The following RPS6KC1 variants were observed in gnomAD, a reference collection of about 807,000 sequenced individuals.
RPS6KC1 encodes the protein inactive ribosomal protein S6 kinase delta-1.
RPS6KC1 carries 54 observed loss-of-function variants against 103.8 expected under a neutral mutation model. The ratio of observed to expected loss-of-function variants is 0.52; its 90% CI spans 0.42 to 0.65. The LOEUF (loss-of-function observed/expected upper bound fraction) is 0.65, where lower values mean the gene tolerates loss of function less well. RPS6KC1 is among the 30% of genes least tolerant of loss of function. The pLI is 0.00. For missense variants in RPS6KC1, 1,151 were observed against 1,253.8 expected (o/e 0.92, Z 1.24); for synonymous variants, 439 against 438.7 (o/e 1.00, Z -0.01).
At chr1:213,484,423 A>G in the RPS6KC1 span, among the ~76,000 whole-genome samples, 1 of 152,176 alleles carries the variant, frequency 6.6e-6, no homozygotes. Context: ...AGGCTCGTTT[A>G]TGTGGTTGTT....
chr1:213,181,357 C>T (rs2092257757), intron 8 of RPS6KC1, among the ~76,000 whole-genome samples: 1 of 152,234 alleles, frequency 6.6e-6, no homozygotes, highest in South Asian at 2.1e-4. Flanking sequence ...TTTACTAGGT[C>T]AGATGCCTTC....
At chr1:213,179,181 G>A (rs1321090874) in intron 8 of RPS6KC1, among the ~76,000 whole-genome samples, 1 of 152,062 alleles carries the variant, frequency 6.6e-6, no homozygotes, top group Non-Finnish European at 1.5e-5. Flanking sequence ...TTGGGAGGCC[G>A]AGGCGGGCAG....
intron 12 of RPS6KC1, among the ~76,000 whole-genome samples, chr1:213,244,628 A>G (rs984667881): frequency 3.9e-5 from 6 of 152,188 alleles, no homozygotes; most frequent in Non-Finnish European, 8.8e-5. Context: ...GAGTTTTAAT[A>G]TATGTGGAAC....
intron 4 of RPS6KC1, among the ~76,000 whole-genome samples, chr1:213,107,447 T>C (rs907213607): frequency 5.9e-5 from 9 of 152,256 alleles, no homozygotes; most frequent in African/African-American, 2.2e-4. Flanking sequence ...CTTAGCATAA[T>C]GCTTTTGAGC....
At chr1:213,180,704 A>G (rs1043333237) in intron 8 of RPS6KC1, among the ~76,000 whole-genome samples, 4 of 152,288 alleles carry the variant, frequency 2.6e-5, no homozygotes, top group Non-Finnish European at 4.4e-5. Context: ...ATGCATTACT[A>G]TTATTTTAAT....
chr1:213,114,365 G>GTCA (rs574679208), intron 4 of RPS6KC1, among the ~76,000 whole-genome samples: 6 of 63,988 alleles, frequency 9.4e-5, no homozygotes, highest in African/African-American at 4.2e-4. Flanking sequence ...TCTGTCTGTT[G>GTCA]TTGGTGTATA....
chr1:213,408,370 G>C, the RPS6KC1 span, among the ~76,000 whole-genome samples: 6 of 152,186 alleles, frequency 3.9e-5, 1 homozygote, highest in Non-Finnish European at 5.9e-5. Flanking sequence ...TCCAGGGTGT[G>C]GGGGTTAGTT....
chr1:213,395,879 C>T, the RPS6KC1 span, among the ~76,000 whole-genome samples: 1 of 152,118 alleles, frequency 6.6e-6, no homozygotes, highest in Non-Finnish European at 1.5e-5. Context: ...AGTTACAAGG[C>T]AGCACAAGGC....
intron 6 of RPS6KC1, among the ~76,000 whole-genome samples, chr1:213,167,057 G>A (rs1238667751): frequency 6.6e-6 from 1 of 152,152 alleles, no homozygotes; most frequent in Non-Finnish European, 1.5e-5. Context: ...AGTCCAGTTT[G>A]TGTTGTGCCA....
the RPS6KC1 span, among the ~76,000 whole-genome samples, chr1:213,802,080 A>G: frequency 5.9e-5 from 9 of 152,234 alleles, no homozygotes; most frequent in South Asian, 2.1e-4. Context: ...AAGTAAAGTT[A>G]TGGTCGCTGC....
chr1:213,404,325 G>C, the RPS6KC1 span, among the ~76,000 whole-genome samples: 2 of 152,210 alleles, frequency 1.3e-5, no homozygotes, highest in African/African-American at 4.8e-5. Flanking sequence ...CTGGGGGATG[G>C]GAGCACTGGC....
chr1:213,387,995 C>G, the RPS6KC1 span, among the ~76,000 whole-genome samples: 17 of 152,228 alleles, frequency 1.1e-4, no homozygotes, highest in Admixed American at 9.8e-4. Context: ...GGAACTGACT[C>G]TATCATATTT....
the RPS6KC1 span, among the ~76,000 whole-genome samples, chr1:213,281,105 C>T: frequency 1.1e-4 from 17 of 151,976 alleles, no homozygotes; most frequent in African/African-American, 4.1e-4. Context: ...ATCTGGTGAA[C>T]AGAGAGAGGC....
the RPS6KC1 span, among the ~76,000 whole-genome samples, chr1:213,572,098 A>G: frequency 3.3e-5 from 5 of 152,162 alleles, no homozygotes; most frequent in African/African-American, 1.2e-4. Flanking sequence ...GGCAAGACAA[A>G]ATCAGGATGG....
the RPS6KC1 span, among the ~76,000 whole-genome samples, chr1:213,431,655 ATGTGTGTGTG>A: frequency 2.0e-4 from 29 of 141,638 alleles, no homozygotes; most frequent in African/African-American, 6.6e-4. Flanking sequence ...GTTTGTGTGT[ATGTGTGTGTG>A]TGTGTGTGTG....
chr1:213,308,040 G>A, the RPS6KC1 span, among the ~76,000 whole-genome samples: 4 of 152,106 alleles, frequency 2.6e-5, no homozygotes, highest in Non-Finnish European at 5.9e-5. Flanking sequence ...GGCTGGGCAT[G>A]GTGGCTCACA....
At chr1:213,548,518 G>A in the RPS6KC1 span, among the ~76,000 whole-genome samples, 4 of 152,134 alleles carry the variant, frequency 2.6e-5, no homozygotes, top group African/African-American at 9.7e-5. Context: ...AAAATTAGCT[G>A]GGCTTGGTGA....
chr1:213,731,899 C>A, the RPS6KC1 span, among the ~76,000 whole-genome samples: 1 of 151,910 alleles, frequency 6.6e-6, no homozygotes, highest in South Asian at 2.1e-4. Context: ...TTTATAAATA[C>A]CTGAATGACA....
At chr1:213,568,725 C>T in the RPS6KC1 span, among the ~76,000 whole-genome samples, 1 of 152,226 alleles carries the variant, frequency 6.6e-6, no homozygotes, top group Non-Finnish European at 1.5e-5. Flanking sequence ...CTCAGTGTTA[C>T]ATGTTAGCAA....
Sources: gnomAD v4.1 joint callset for allele counts (sites outside exome capture counted in the v4.1 genomes callset) on GRCh38, gnomAD v4.1.1 for gene constraint, MANE v1.5 for transcripts, NCBI Gene and HGNC (gene_info 2026-07-23, HGNC 2026-07-21) for gene names.